The following STK3 variants were observed in gnomAD, a reference collection of about 807,000 sequenced individuals.
STK3 encodes serine/threonine kinase 3, also known as serine/threonine-protein kinase 3.
In STK3, 41 loss-of-function variants were observed where a neutral mutation model predicts 58.0. The ratio of observed to expected loss-of-function variants is 0.71; its 90% CI spans 0.55 to 0.92. STK3 has a LOEUF of 0.92. Among genes scored for constraint, STK3 ranks in the 40% least tolerant of loss-of-function variants. The probability of loss-of-function intolerance (pLI) is 0.00; values close to 1 mark genes in which losing one functional copy is unlikely to be tolerated. For synonymous variants in STK3, 170 were observed against 191.0 expected (o/e 0.89, Z 0.91); for missense variants, 479 against 602.7 (o/e 0.79, Z 2.15).
intron 1 of STK3, among the ~76,000 whole-genome samples, chr8:98,387,763 A>G (rs1396642113): frequency 6.6e-6 from 1 of 152,150 alleles, no homozygotes; most frequent in African/African-American, 2.4e-5. Context: ...AATAAATAAA[A>G]GACCTAGAGA....
Position 98,815,608 on chromosome 8 carries a change from A to G in STK3, c.26+9907T>C, listed in dbSNP as rs1309729830. Among the ~76,000 whole-genome samples the G allele has an allele frequency of 2.6e-5, 4 of 152,366 alleles. No individual in the cohort carries two copies. The East Asian group carries it at 7.7e-4, about 29-fold the overall frequency. On this transcript the variant is annotated intron_variant, in intron 1 of 10. Coordinates refer to ENST00000419617, the MANE Select transcript of STK3 (RefSeq NM_006281.4). ...AGGTGAGACAATTTGCGCTTCAGTG[A>G]AAGTGATTCCAATGGATTAAATCCA...
chr8:98,941,300 T>G (rs1273724007), intron 1 of STK3, among the ~76,000 whole-genome samples: 2 of 152,196 alleles, frequency 1.3e-5, no homozygotes, highest in Non-Finnish European at 2.9e-5. Context: ...CTCCTCTGGG[T>G]TCCCCAGGCG....
intron 3 of STK3, among the ~76,000 whole-genome samples, chr8:98,854,146 T>C (rs1275307380): frequency 1.3e-5 from 2 of 152,128 alleles, no homozygotes; most frequent in Non-Finnish European, 2.9e-5. Flanking sequence ...TTTATTTATT[T>C]ATTTATTTTT....
intron 3 of STK3, among the ~76,000 whole-genome samples, chr8:98,433,156 G>A (rs553890762): frequency 1.5e-4 from 23 of 152,196 alleles, no homozygotes; most frequent in African/African-American, 4.8e-4. Context: ...AGTTTTCTAG[G>A]ATCTCGAACC....
chr8:98,758,367 T>C (rs752322920), intron 3 of STK3, among the ~76,000 whole-genome samples: 4 of 152,166 alleles, frequency 2.6e-5, no homozygotes, highest in Non-Finnish European at 4.4e-5. Context: ...TTCAGACCAA[T>C]ATCTCTGATG....
chr8:98,757,616 A>G (rs1400918102), intron 3 of STK3, among the ~76,000 whole-genome samples: 1 of 150,630 alleles, frequency 6.6e-6, no homozygotes, highest in Admixed American at 6.6e-5. Flanking sequence ...AAAAAAAAAA[A>G]GCCTACCAAT....
intron 1 of STK3, 93 bp downstream of exon 1, chr8:98,825,422 G>A (rs1318523128): frequency 1.4e-5 from 17 of 1,199,342 alleles, no homozygotes; most frequent in Non-Finnish European, 1.6e-5. Flanking sequence ...CCGGCGGGCG[G>A]GGAGAGGCTC....
intron 3 of STK3, among the ~76,000 whole-genome samples, chr8:98,861,268 C>G (rs1276299174): frequency 6.6e-6 from 1 of 150,970 alleles, no homozygotes; most frequent in Non-Finnish European, 1.5e-5. Context: ...AGGACTCACT[C>G]TGGGGAGGTG....
In STK3 at chr8:98,632,216, T is replaced by C. The variant is rs145914789; in HGVS notation, c.685-36047A>G. Among the ~76,000 whole-genome samples the C allele has an allele frequency of 1.8e-3, 271 of 152,324 alleles. 1 individual carries two copies. Among genetic ancestry groups the C allele is most frequent in the African/African-American group, 6.4e-3 (265 of 41,576 alleles). ...ATATAAAAATGTAAAAATAAAAATG[T>C]AGTCTTCTAAGAAAGATAGAAGGCT... On this transcript the variant is annotated intron_variant, in intron 6 of 10. Coordinates refer to ENST00000419617, the MANE Select transcript of STK3 (RefSeq NM_006281.4).
intron 10 of STK3, among the ~76,000 whole-genome samples, chr8:98,470,105 C>A (rs1395441866): frequency 6.6e-6 from 1 of 152,174 alleles, no homozygotes; most frequent in East Asian, 1.9e-4. Flanking sequence ...GTGAACTTTC[C>A]ATTATTAGAG....
At position 98,670,694 on chromosome 8, in the gene STK3, C is replaced by T. The variant is rs184775720; in HGVS notation, c.684+35773G>A. On this transcript the variant is annotated intron_variant, in intron 6 of 10. Transcript: ENST00000419617. ...CAATCAAATGTTGCCTTTTCCAATA[C>T]TACCTGTGGCCCATGGGCCCCCCCG... Among the ~76,000 whole-genome samples, 25 of 152,300 alleles carry T rather than the reference C, an allele frequency of 1.6e-4. No individual in the cohort carries two copies. In the East Asian group the frequency reaches 4.4e-3, roughly 27 times the overall value.
chr8:98,409,555 T>C (rs1176465388), intron 3 of STK3, among the ~76,000 whole-genome samples: 1 of 152,236 alleles, frequency 6.6e-6, no homozygotes, highest in East Asian at 1.9e-4. Flanking sequence ...AGATGGGCTA[T>C]CAGTTCAACC....
intron 3 of STK3, among the ~76,000 whole-genome samples, chr8:98,847,521 A>C (rs1203900741): frequency 3.3e-5 from 5 of 152,072 alleles, no homozygotes; most frequent in Non-Finnish European, 2.9e-5. Flanking sequence ...GTTTAACTGT[A>C]TTGTTCCTGG....
At chr8:98,834,889 C>T (rs1028561270) in intron 3 of STK3, among the ~76,000 whole-genome samples, 1 of 152,110 alleles carries the variant, frequency 6.6e-6, no homozygotes, top group Non-Finnish European at 1.5e-5. Flanking sequence ...TTGAGAATGA[C>T]CTTCTGATGA....
intron 3 of STK3, among the ~76,000 whole-genome samples, chr8:98,401,931 A>G (rs1208548999): frequency 6.6e-6 from 1 of 152,204 alleles, no homozygotes; most frequent in African/African-American, 2.4e-5. Context: ...TTGTAAAAAA[A>G]ATTCAAGGAA....
At chr8:98,564,803 T>C (rs1329611815) in intron 8 of STK3, among the ~76,000 whole-genome samples, 3 of 152,098 alleles carry the variant, frequency 2.0e-5, no homozygotes, top group Admixed American at 6.6e-5. Flanking sequence ...GATGACTAAA[T>C]GTAATATGGT....
upstream of STK3, among the ~76,000 whole-genome samples, chr8:98,389,585 T>C (rs2131010846): frequency 6.6e-6 from 1 of 152,076 alleles, no homozygotes; most frequent in South Asian, 2.1e-4. Flanking sequence ...CTACCAGGGA[T>C]TGGGGTGCAG....
At chr8:98,716,024 T>C (rs1296405872) in intron 4 of STK3, among the ~76,000 whole-genome samples, 4 of 151,796 alleles carry the variant, frequency 2.6e-5, no homozygotes, top group Non-Finnish European at 4.4e-5. Context: ...CAGCAAACTA[T>C]TGCAAGGACA....
intron 6 of STK3, among the ~76,000 whole-genome samples, chr8:98,666,032 C>T (rs916201895): frequency 1.3e-5 from 2 of 152,044 alleles, no homozygotes; most frequent in African/African-American, 4.8e-5. Flanking sequence ...AACTTCAACA[C>T]GAGTTCTTCC....
Sources: gnomAD v4.1 joint callset for allele counts (sites outside exome capture counted in the v4.1 genomes callset) on GRCh38, gnomAD v4.1.1 for gene constraint, MANE v1.5 for transcripts, NCBI Gene and HGNC (gene_info 2026-07-23, HGNC 2026-07-21) for gene names.